Variants in MAOB observed in about 807,000 individuals in gnomAD.
The protein encoded by MAOB is monoamine oxidase B, also known as amine oxidase [flavin-containing] B.
Under a neutral mutation model 41.9 loss-of-function variants are expected in MAOB, and 15 were observed. The ratio of observed to expected loss-of-function variants is 0.36; its 90% CI spans 0.24 to 0.55. MAOB has a LOEUF of 0.55. Among genes scored for constraint, MAOB ranks in the 20% least tolerant of loss-of-function variants. The probability of loss-of-function intolerance (pLI) is 0.86; values close to 1 mark genes in which losing one functional copy is unlikely to be tolerated. For synonymous variants in MAOB, 167 were observed against 144.2 expected, an observed-to-expected ratio of 1.16 and a Z score of -1.13; for missense variants, 345 against 398.7, an observed-to-expected ratio of 0.87 and a Z score of 1.15.
chrX:43,871,933 A>G (rs1385606233), intron 1 of MAOB, among the ~76,000 whole-genome samples: 1 of 111,740 alleles, frequency 8.9e-6, no homozygotes, highest in Non-Finnish European at 1.9e-5. Flanking sequence ...TGCAAAATAC[A>G]GAGGAAATTA....
At chrX:43,811,328 C>T (rs2034743956) in intron 3 of MAOB, among the ~76,000 whole-genome samples, 1 of 111,546 alleles carries the variant, frequency 9.0e-6, no homozygotes, top group African/African-American at 3.3e-5. Flanking sequence ...TCAGTAGAAA[C>T]AGGTGGCCTG....
At chrX:43,793,093 A>G (rs2034482861) in intron 8 of MAOB, among the ~76,000 whole-genome samples, 1 of 112,220 alleles carries the variant, frequency 8.9e-6, no homozygotes, top group African/African-American at 3.2e-5. Flanking sequence ...AAAACCAAAT[A>G]CCACATGTTC....
At chrX:43,825,236 C>T (rs944724911) in intron 3 of MAOB, among the ~76,000 whole-genome samples, 2 of 110,690 alleles carry the variant, frequency 1.8e-5, no homozygotes, top group East Asian at 2.8e-4. Context: ...ACCACTGTTT[C>T]CCTCCCCCAG....
intron 3 of MAOB, among the ~76,000 whole-genome samples, chrX:43,829,520 C>T (rs2034990651): frequency 1.8e-5 from 2 of 111,798 alleles, no homozygotes; most frequent in African/African-American, 3.3e-5. Context: ...TCTCTCTGAC[C>T]ACGTCAACCT....
chrX:43,850,829 T>A (rs747449518), intron 1 of MAOB, among the ~76,000 whole-genome samples: 1 of 112,212 alleles, frequency 8.9e-6, no homozygotes, highest in Non-Finnish European at 1.9e-5. Context: ...CAAGCTTTCA[T>A]AAGTTGCCAT....
At chrX:43,859,055 C>T (rs2035315912) in intron 1 of MAOB, among the ~76,000 whole-genome samples, 1 of 110,543 alleles carries the variant, frequency 9.0e-6, no homozygotes. Flanking sequence ...ATGCAGTTGT[C>T]AGGGTCAAGT....
Position 43,775,716 on chromosome X carries a change from AG to A in MAOB, c.1138-445del, listed in dbSNP as rs757633329. ...GTTTTGGTGGAGGTGAGCTTTCTTG[AG>A]GGAGGCTGAACAAACATGTTTTTGT... On this transcript the variant is annotated intron_variant, in intron 11 of 14. Transcript: ENST00000378069. 9.8e-5 allele frequency among the ~76,000 whole-genome samples: 11 copies of A among 111,881 alleles called. No homozygotes were observed. In the East Asian group the frequency reaches 1.7e-3, roughly 17 times the overall value.
chrX:43,828,421 C>T (rs1392624230), intron 3 of MAOB, among the ~76,000 whole-genome samples: 2 of 110,473 alleles, frequency 1.8e-5, no homozygotes, highest in Non-Finnish European at 3.8e-5. Flanking sequence ...TTCAATGTCT[C>T]TCAATAGTCC....
intron 5 of MAOB, among the ~76,000 whole-genome samples, chrX:43,799,554 A>G (rs2034567844): frequency 9.0e-6 from 1 of 110,778 alleles, no homozygotes; most frequent in Non-Finnish European, 1.9e-5. Flanking sequence ...ATAAAGGGAG[A>G]TCTAAAAGTA....
intron 3 of MAOB, among the ~76,000 whole-genome samples, chrX:43,837,066 A>G (rs2035079794): frequency 8.9e-6 from 1 of 112,491 alleles, no homozygotes; most frequent in South Asian, 3.6e-4. Flanking sequence ...ATCTCTGCAC[A>G]CACAAAGACA....
chrX:43,800,732 A>C (rs903043219), intron 5 of MAOB, among the ~76,000 whole-genome samples: 1 of 112,003 alleles, frequency 8.9e-6, no homozygotes, highest in East Asian at 2.8e-4. Context: ...ATGTTTAAAG[A>C]ATAATTTTTA....
intron 1 of MAOB, among the ~76,000 whole-genome samples, chrX:43,879,526 G>A (rs2035460689): frequency 9.0e-6 from 1 of 111,565 alleles, no homozygotes; most frequent in Non-Finnish European, 1.9e-5. Flanking sequence ...GTACACATTT[G>A]TAACCCCAAT....
intron 7 of MAOB, among the ~76,000 whole-genome samples, 156 bp downstream of exon 7, chrX:43,795,583 C>T (rs952230505): frequency 8.9e-6 from 1 of 111,837 alleles, no homozygotes; most frequent in Non-Finnish European, 1.9e-5. Flanking sequence ...CATGGTCTTT[C>T]CTGTGACCAG....
At chrX:43,862,244 TTGATTCTA>T (rs780985672) in intron 1 of MAOB, among the ~76,000 whole-genome samples, 11 of 111,887 alleles carry the variant, frequency 9.8e-5, no homozygotes, top group Non-Finnish European at 1.9e-4. Context: ...GGATTTGTGT[TTGATTCTA>T]TGAGTCTTTA....
In MAOB at chrX:43,775,200, G is replaced by C. The variant is rs1171627578; in HGVS notation, c.1210C>G (p.Pro404Ala). ...SGGCYTTYFPPGILTQYGRVL... is the reference protein window; with the variant it reads ...SGGCYTTYFPAGILTQYGRVL... Reference sequence around the variant, plus strand: ...CTTCCATATTGAGTCAGGATCCCAGGGGGGAAATAAGTTGTGTAGCAGCCC... The same window carrying C: ...CTTCCATATTGAGTCAGGATCCCAGCGGGGAAATAAGTTGTGTAGCAGCCC... The change falls in exon 12 of 15, where the codon CCT becomes GCT. Residue 404 changes from proline to alanine, a missense_variant. Coordinates refer to ENST00000378069, the MANE Select transcript of MAOB (RefSeq NM_000898.5). 1.7e-6 allele frequency: 2 copies of C among 1,199,939 alleles called. No individual in the cohort carries two copies. Among genetic ancestry groups the C allele is most frequent in the South Asian group, 3.7e-5 (2 of 54,157 alleles).
chrX:43,877,624 G>A (rs989521174), intron 1 of MAOB, among the ~76,000 whole-genome samples: 21 of 111,487 alleles, frequency 1.9e-4, no homozygotes, highest in African/African-American at 6.5e-4. Context: ...ATCTTCTATT[G>A]TAGTTAAGAC....
chrX:43,859,650 A>C (rs1330950263), intron 1 of MAOB, among the ~76,000 whole-genome samples: 1 of 111,537 alleles, frequency 9.0e-6, no homozygotes, highest in Non-Finnish European at 1.9e-5. Context: ...TCTTTAAGGA[A>C]GCCAATCCTC....
chrX:43,802,624 G>A (rs1157212889), intron 4 of MAOB, among the ~76,000 whole-genome samples: 1 of 111,918 alleles, frequency 8.9e-6, no homozygotes, highest in Admixed American at 9.5e-5. Flanking sequence ...GGATCACAGA[G>A]CTGCAGCAAA....
chrX:43,868,406 C>A (rs2035379065), intron 1 of MAOB, among the ~76,000 whole-genome samples: 1 of 111,714 alleles, frequency 9.0e-6, no homozygotes, highest in South Asian at 3.7e-4. Context: ...TGTGGACTGG[C>A]CAACTGATTT....
Sources: gnomAD v4.1 joint callset for allele counts (sites outside exome capture counted in the v4.1 genomes callset) on GRCh38, gnomAD v4.1.1 for gene constraint, MANE v1.5 for transcripts, NCBI Gene and HGNC (gene_info 2026-07-23, HGNC 2026-07-21) for gene names.